SNX19: variants seen among roughly 807,000 people sequenced by gnomAD.
SNX19 encodes the protein sorting nexin 19.
In SNX19, 60 loss-of-function variants were observed where a neutral mutation model predicts 85.2. The ratio of observed to expected loss-of-function variants is 0.70; its 90% CI spans 0.57 to 0.87. The LOEUF (loss-of-function observed/expected upper bound fraction) is 0.87, where lower values mean the gene tolerates loss of function less well. Ranked by LOEUF, SNX19 falls within the 40% of genes least tolerant of loss-of-function variation. SNX19 has a pLI of 0.00. For synonymous variants in SNX19, 520 were observed against 470.0 expected, an observed-to-expected ratio of 1.11 and a Z score of -1.38; for missense variants, 1,201 against 1,217.8, an observed-to-expected ratio of 0.99 and a Z score of 0.21.
intron 8 of SNX19, chr11:130,895,008 T>A (rs1944150): frequency 0.65 from 638,342 of 985,094 alleles, 207,747 homozygotes; most frequent in South Asian, 0.8. Flanking sequence ...CAAGATCTGA[T>A]TTCAGATCTG....
At position 130,909,998 on chromosome 11, in the gene SNX19, C is replaced by A. The variant is rs372833333; in HGVS notation, c.2034+20G>T. 1.9e-6 allele frequency: 3 copies of A among 1,612,070 alleles called. No individual in the cohort carries two copies. The highest frequency in any genetic ancestry group is 2.5e-6 in the Non-Finnish European group (3 of 1,179,832). On this transcript the variant is annotated intron_variant, in intron 4 of 10. Coordinates refer to ENST00000265909, the MANE Select transcript of SNX19 (RefSeq NM_014758.3). ...TTTATAGATCAAAACTAAAGCTGAG[C>A]ACAGTGGCCCTGCTGGTACCTTGTC... is the stretch of plus-strand genomic sequence containing the variant.
chr11:130,884,070 G>A (rs1943880076), intron 8 of SNX19, among the ~76,000 whole-genome samples: 2 of 152,194 alleles, frequency 1.3e-5, no homozygotes, highest in Admixed American at 6.5e-5. Context: ...TGAGAGCAAT[G>A]AAGAAGGTGG....
Position 130,915,665 on chromosome 11 carries a change from G to C in SNX19, c.275C>G (p.Pro92Arg), listed in dbSNP as rs573609134. ...FIPLATCPPCPEAERQLEREI... is the reference protein window; with the variant it reads ...FIPLATCPPCREAERQLEREI... ...CCGTTCCAGCTGCCTTTCTGCCTCA[G>C]GGCATGGAGGACAGGTGGCCAACGG... Residue 92 changes from proline to arginine, a missense_variant, in exon 1 of 11, where the codon CCT (proline) becomes CGT (arginine). By Grantham distance (103) the Pro-to-Arg change is moderately radical. This residue lies in a region of SNX19 where 791 missense variants were observed against 750.9 expected (regional missense o/e 1.05). Transcript: ENST00000265909. 5.0e-4 allele frequency: 808 copies of C among 1,614,238 alleles called. 10 individuals carry two copies. In the South Asian group the frequency reaches 8.3e-3, roughly 17 times the overall value.
At chr11:130,880,237 A>C (rs761132296) in intron 9 of SNX19, among the ~76,000 whole-genome samples, 3 of 152,240 alleles carry the variant, frequency 2.0e-5, no homozygotes, top group Non-Finnish European at 4.4e-5. Context: ...CCTTGGTCCC[A>C]AAATGCTATG....
At chr11:130,900,711 T>C (rs1367959424) in intron 8 of SNX19, among the ~76,000 whole-genome samples, 2 of 152,132 alleles carry the variant, frequency 1.3e-5, no homozygotes, top group African/African-American at 2.4e-5. Context: ...AACCAATCTG[T>C]CATGTAAATG....
intron 7 of SNX19, 83 bp from the exon 8 acceptor site, chr11:130,903,467 G>A: frequency 2.0e-6 from 3 of 1,463,690 alleles, no homozygotes; most frequent in South Asian, 2.6e-5. Flanking sequence ...TGGCACCTGT[G>A]TCTCTCTACC....
rs1281450117 is a variant in SNX19, at chr11:130,870,238, A to C, written c.*8184T>G. ...ACAAGCTCTTGCCTCAGTCCTCTCC[A>C]GATTGCTAAAAGGAGGTGTATAACC... On this transcript the variant is annotated 3_prime_UTR_variant, in exon 11 of 11. Transcript: ENST00000265909. 1 of 152,210 alleles carries C rather than the reference A, an allele frequency of 6.6e-6. No individual in the cohort carries two copies. The highest frequency in any genetic ancestry group is 1.5e-5 in the Non-Finnish European group (1 of 68,038). 9.4% of individuals were successfully genotyped at this position (152,210 alleles called of 1,614,324 possible).
chr11:130,873,275 A>T lies in SNX19; in HGVS notation c.*5147T>A, dbSNP rs1943096543. ...CCACACTTGTTTATGAATTGTCTAC[A>T]ACTGTTTTTACGCTACAGTGGAAAA... On this transcript the variant is annotated 3_prime_UTR_variant, in exon 11 of 11. Coordinates refer to ENST00000265909, the MANE Select transcript of SNX19 (RefSeq NM_014758.3). Among the ~76,000 whole-genome samples, 1 of 152,204 alleles carries T rather than the reference A, an allele frequency of 6.6e-6. No homozygotes were observed. Among genetic ancestry groups the T allele is most frequent in the South Asian group, 2.1e-4 (1 of 4,834 alleles).
Position 130,903,295 on chromosome 11 carries a change from G to A in SNX19, c.2533C>T (p.Gln845Ter). 1 of 1,613,942 alleles carries A rather than the reference G, an allele frequency of 6.2e-7. No homozygotes were observed. Among genetic ancestry groups the A allele is most frequent in the Non-Finnish European group, 8.5e-7 (1 of 1,179,888 alleles). ...CCAAAGATAAGACGAAGAAACTTTT[G>A]CATGTTTTCGGTACATAGCCATTTC... ...QWKWLCTENM[Q>*]KFLRLIFGTL... is the part of the protein sequence containing the mutation. The change falls in exon 8 of 11, where the codon CAA becomes TAA. Residue 845 changes from glutamine (Q) to a stop codon, truncating the protein, a stop_gained. Transcript: ENST00000265909. LOFTEE classifies it high-confidence loss of function.
chr11:130,883,174 A>G (rs948086), intron 8 of SNX19, among the ~76,000 whole-genome samples: 24,174 of 152,212 alleles, frequency 0.16, 2,168 homozygotes, highest in Middle Eastern at 0.24. Context: ...ATACAAATCT[A>G]TAAGACAGCT....
intron 10 of SNX19, among the ~76,000 whole-genome samples, chr11:130,878,987 T>C (rs1465934828): frequency 6.6e-6 from 1 of 152,162 alleles, no homozygotes; most frequent in East Asian, 1.9e-4. Context: ...CACAGTCTAC[T>C]TTGGGGTAGG....
chr11:130,910,078 C>T lies in SNX19; in HGVS notation c.1974G>A (p.Leu658=). 4 of 1,614,138 alleles carry T rather than the reference C, an allele frequency of 2.5e-6. No individual in the cohort carries two copies. Among genetic ancestry groups the T allele is most frequent in the Non-Finnish European group, 1.7e-6 (2 of 1,180,026 alleles). Residue 658 remains leucine, a synonymous_variant, in exon 4 of 11, where the codon CTG becomes CTA. Transcript: ENST00000265909. ...CAAAGGCAATACGAGCATCTGTGTT[C>T]AGAGCAAGGAACTCCTGCACCTCCT... ...NSEEVQEFLA[L]NTDARIAFVK...
intron 4 of SNX19, 128 bp downstream of exon 4, chr11:130,909,890 A>G (rs1945959019): frequency 1.6e-6 from 2 of 1,224,422 alleles, no homozygotes; most frequent in Non-Finnish European, 1.1e-6. Context: ...TCCATGTTCT[A>G]TTGACGGCTC....
rs1213386507 is a variant in SNX19, at chr11:130,869,068, G to A, written c.*9354C>T. On this transcript the variant is annotated 3_prime_UTR_variant, in exon 11 of 11. Transcript: ENST00000265909. ...AGATAAGGTGAAAATTGTCTGCCAT[G>A]GTATATGCTGGAAAAACTCTGGGAA... 1 of 152,192 alleles carries A rather than the reference G, an allele frequency of 6.6e-6. No homozygotes were observed. Among genetic ancestry groups the A allele is most frequent in the African/African-American group, 2.4e-5 (1 of 41,446 alleles). The allele number at this position is 152,192 out of a possible 1,614,324, so 9.4% of individuals were successfully genotyped here.
At chr11:130,892,737 C>T (rs1944582740) in intron 8 of SNX19, 1 of 151,952 alleles carries the variant, frequency 6.6e-6, no homozygotes, top group African/African-American at 2.4e-5. Flanking sequence ...AAAACCAGAC[C>T]TCCATGTACC....
Position 130,915,098 on chromosome 11 carries a change from G to T in SNX19, c.842C>A (p.Ala281Asp). Residue 281 changes from alanine to aspartate, a missense_variant, in exon 1 of 11, where the codon GCC (alanine) becomes GAC (aspartate). Physicochemically the swap from Ala to Asp is moderately radical, Grantham distance 126. Around this residue, in one of 3 missense-constraint regions of SNX19, gnomAD observed 791 missense variants for 750.9 expected, o/e 1.05. Coordinates refer to ENST00000265909, the MANE Select transcript of SNX19 (RefSeq NM_014758.3). ...TGTCGGCACTGAGGGCTGTTCGGGG[G>T]CACTGGCTGGGCAGGGTGCTGGATC... ...ARDPAPCPAS[A>D]PEQPSVPTSL... is the part of the protein sequence containing the mutation. The T allele has an allele frequency of 6.2e-7, 1 of 1,613,892 alleles. No individual in the cohort carries two copies. The highest frequency in any genetic ancestry group is 8.5e-7 in the Non-Finnish European group (1 of 1,179,856).
At chr11:130,896,333 G>A (rs1944875555) in intron 8 of SNX19, among the ~76,000 whole-genome samples, 3 of 152,212 alleles carry the variant, frequency 2.0e-5, no homozygotes, top group Admixed American at 2.0e-4. Context: ...TCCTGATTGT[G>A]AATAGCATAT....
rs928419550 is a variant in SNX19, at chr11:130,871,555, G to A, written c.*6867C>T. Among the ~76,000 whole-genome samples the A allele has an allele frequency of 4.6e-5, 7 of 152,204 alleles. No individual in the cohort carries two copies. Among genetic ancestry groups the A allele is most frequent in the Admixed American group, 4.6e-4 (7 of 15,280 alleles). The stretch of plus-strand genomic sequence containing the variant: ...AATCTTTTTGATAGTTACAGGAGCA[G>A]GATGATTCTTCACCCAGGGGCACGG... On this transcript the variant is annotated 3_prime_UTR_variant, in exon 11 of 11. Transcript: ENST00000265909.
chr11:130,885,557 G>A (rs1432529396), intron 8 of SNX19, among the ~76,000 whole-genome samples: 1 of 152,178 alleles, frequency 6.6e-6, no homozygotes, highest in Non-Finnish European at 1.5e-5. Context: ...GAGTGAGAAA[G>A]GGTCTTGAAT....
Sources: allele counts gnomAD v4.1 joint callset (sites outside exome capture counted in the v4.1 genomes callset), GRCh38; gene constraint gnomAD v4.1.1; regional missense constraint gnomAD v4.1.1; transcripts MANE v1.5; gene names NCBI Gene and HGNC (gene_info 2026-07-23, HGNC 2026-07-21).